The following CYP39A1 variants were observed in gnomAD, a reference collection of about 807,000 sequenced individuals.
CYP39A1 encodes cytochrome P450 family 39 subfamily A member 1.
A neutral mutation model predicts 58.1 loss-of-function variants in CYP39A1; 49 were observed. The ratio of observed to expected loss-of-function variants is 0.84; its 90% CI spans 0.67 to 1.07. The LOEUF (loss-of-function observed/expected upper bound fraction) is 1.07, where lower values mean the gene tolerates loss of function less well. CYP39A1 is among the 50% of genes least tolerant of loss of function. The pLI, the probability that CYP39A1 is intolerant of heterozygous loss-of-function variation, is 0.00. For synonymous variants in CYP39A1, 209 were observed against 187.6 expected (o/e 1.11, Z -0.93); for missense variants, 531 against 539.4 (o/e 0.98, Z 0.16).
At chr6:46,649,836 T>C (rs1762560377) in intron 1 of CYP39A1, among the ~76,000 whole-genome samples, 1 of 152,182 alleles carries the variant, frequency 6.6e-6, no homozygotes. Context: ...TATTCAAAGA[T>C]TAAATAAAAA....
intron 10 of CYP39A1, among the ~76,000 whole-genome samples, chr6:46,577,400 G>A (rs1278688224): frequency 1.3e-5 from 2 of 151,936 alleles, no homozygotes; most frequent in South Asian, 2.1e-4. Context: ...TGAACAACAC[G>A]GTGACAAGAT....
At chr6:46,583,518 A>C (rs763662728) in intron 10 of CYP39A1, 66 of 985,242 alleles carry the variant, frequency 6.7e-5, no homozygotes, top group Non-Finnish European at 7.4e-5. Flanking sequence ...GAGACTCTTC[A>C]CTTTGCAAGC....
At position 46,550,179 on chromosome 6, in the gene CYP39A1, G is replaced by A. The variant is rs896045566; in HGVS notation, c.*187C>T. 4.5e-6 allele frequency: 2 copies of A among 443,236 alleles called. No homozygotes were observed. The highest frequency in any genetic ancestry group is 4.0e-5 in the African/African-American group (2 of 49,674). The allele number at this position is 443,236 out of a possible 1,614,324, so 27.5% of individuals were successfully genotyped here. A position where few individuals can be genotyped will look rare whatever the true frequency, so the allele number is the denominator to read the frequency against. Reference sequence around the variant, plus strand: ...TGTATTCCGGTCTCTATATTACTGAGAGTGATGTTAGATTCTTGGTCTACT... The same window carrying A: ...TGTATTCCGGTCTCTATATTACTGAAAGTGATGTTAGATTCTTGGTCTACT... On this transcript the variant is annotated 3_prime_UTR_variant, in exon 12 of 12. Coordinates refer to ENST00000275016, the MANE Select transcript of CYP39A1 (RefSeq NM_016593.5).
chr6:46,605,977 G>C lies in CYP39A1; in HGVS notation c.932-9857C>G, dbSNP rs115085441. ...TATCTTTCTACTTGACCAAGGATAG[G>C]TGGCAACTACGGTCAGTTTGTGTTT... On this transcript the variant is annotated intron_variant, in intron 7 of 11. Coordinates refer to ENST00000275016, the MANE Select transcript of CYP39A1 (RefSeq NM_016593.5). 1.9e-3 allele frequency among the ~76,000 whole-genome samples: 283 copies of C among 152,218 alleles called. 1 individual carries two copies. The highest frequency in any genetic ancestry group is 6.5e-3 in the African/African-American group (268 of 41,528).
At chr6:46,616,502 G>T (rs546932015) in intron 7 of CYP39A1, among the ~76,000 whole-genome samples, 1 of 151,410 alleles carries the variant, frequency 6.6e-6, no homozygotes, top group African/African-American at 2.4e-5. Context: ...CAAAGCTCTG[G>T]AATTATAGGC....
At chr6:46,626,150 A>G (rs2150573583) in intron 6 of CYP39A1, among the ~76,000 whole-genome samples, 1 of 152,108 alleles carries the variant, frequency 6.6e-6, no homozygotes, top group African/African-American at 2.4e-5. Context: ...ATATTTGCAC[A>G]TTTTCTCTCT....
At chr6:46,558,617 A>G (rs1250773909) in intron 10 of CYP39A1, among the ~76,000 whole-genome samples, 1 of 152,198 alleles carries the variant, frequency 6.6e-6, no homozygotes, top group African/African-American at 2.4e-5. Flanking sequence ...CACTAATTTT[A>G]CCATGAGAGA....
chr6:46,598,330 A>G (rs150781619), intron 7 of CYP39A1, among the ~76,000 whole-genome samples: 237 of 152,288 alleles, frequency 1.6e-3, no homozygotes, highest in African/African-American at 5.4e-3. Flanking sequence ...ATTAGGATAC[A>G]GATTATTTCC....
At position 46,574,515 on chromosome 6, in the gene CYP39A1, G is replaced by A. The variant is rs77116637; in HGVS notation, c.1250+12562C>T. Among the ~76,000 whole-genome samples, 299 of 152,304 alleles carry A rather than the reference G, an allele frequency of 2.0e-3. 2 individuals carry two copies. Among genetic ancestry groups the A allele is most frequent in the African/African-American group, 6.9e-3 (285 of 41,556 alleles). ...GAGATAATAACCTATGGACAATATT[G>A]TAAAATAGCAGTTTTAATTCTAGTC... On this transcript the variant is annotated intron_variant, in intron 10 of 11. Coordinates refer to ENST00000275016, the MANE Select transcript of CYP39A1 (RefSeq NM_016593.5).
At chr6:46,616,226 C>T (rs1404957544) in intron 7 of CYP39A1, among the ~76,000 whole-genome samples, 16 of 31,460 alleles carry the variant, frequency 5.1e-4, no homozygotes, top group African/African-American at 1.9e-3. Context: ...CTCCCTCCCT[C>T]CCTCCCTCCC....
At chr6:46,613,523 G>A (rs896632283) in intron 7 of CYP39A1, among the ~76,000 whole-genome samples, 4 of 151,990 alleles carry the variant, frequency 2.6e-5, no homozygotes, top group Non-Finnish European at 4.4e-5. Flanking sequence ...AATTAATCTG[G>A]TTCCTTGCAA....
chr6:46,619,448 AT>A, intron 7 of CYP39A1, among the ~76,000 whole-genome samples: 1 of 152,206 alleles, frequency 6.6e-6, no homozygotes, highest in East Asian at 1.9e-4. Context: ...CAAATAAAAA[AT>A]ATTTTTAAAA....
intron 10 of CYP39A1, among the ~76,000 whole-genome samples, chr6:46,575,285 C>T (rs773106163): frequency 2.0e-5 from 3 of 152,194 alleles, no homozygotes; most frequent in Non-Finnish European, 4.4e-5. Context: ...ACACTCATCC[C>T]ACAAGGCTCA....
At chr6:46,563,174 A>C (rs1771074347) in intron 10 of CYP39A1, among the ~76,000 whole-genome samples, 1 of 152,140 alleles carries the variant, frequency 6.6e-6, no homozygotes, top group Non-Finnish European at 1.5e-5. Flanking sequence ...ATTTTGTTCA[A>C]TGTGTAAAAT....
chr6:46,649,368 T>C (rs1762531913), intron 1 of CYP39A1, among the ~76,000 whole-genome samples: 1 of 152,234 alleles, frequency 6.6e-6, no homozygotes, highest in African/African-American at 2.4e-5. Flanking sequence ...TGTGCCATAT[T>C]GTGTTCATTA....
intron 10 of CYP39A1, among the ~76,000 whole-genome samples, chr6:46,562,301 G>A (rs1188327967): frequency 1.3e-5 from 2 of 151,866 alleles, no homozygotes; most frequent in African/African-American, 2.4e-5. Context: ...GGGATTATAG[G>A]CATGAGCCAC....
Position 46,637,942 on chromosome 6 carries a change from A to T in CYP39A1, c.525T>A (p.Phe175Leu), listed in dbSNP as rs145365996. 148 of 1,613,062 alleles carry T rather than the reference A, an allele frequency of 9.2e-5. No individual in the cohort carries two copies. Among genetic ancestry groups the T allele is most frequent in the Non-Finnish European group, 1.2e-4 (142 of 1,179,810 alleles). ...LLYPVTVNML[F>L]NKSLFSTNKK... ...TGTTTGTGGAAAACAAACTTTTATTAAAGAGCATATTCACTGTGACTGGAT... is the reference window on the plus strand; with the variant it reads ...TGTTTGTGGAAAACAAACTTTTATTTAAGAGCATATTCACTGTGACTGGAT... Residue 175 changes from phenylalanine to leucine, a missense_variant, in exon 4 of 12, where the codon TTT (phenylalanine) becomes TTA (leucine). By Grantham distance (22) the Phe-to-Leu change is conservative. Transcript: ENST00000275016.
At chr6:46,601,360 G>A (rs2150532193) in intron 7 of CYP39A1, among the ~76,000 whole-genome samples, 1 of 152,154 alleles carries the variant, frequency 6.6e-6, no homozygotes, top group Admixed American at 6.5e-5. Flanking sequence ...CAACCCCTTT[G>A]TAAATAAGAC....
chr6:46,619,059 C>T (rs1355753610), intron 7 of CYP39A1, among the ~76,000 whole-genome samples: 2 of 152,104 alleles, frequency 1.3e-5, no homozygotes, highest in African/African-American at 4.8e-5. Flanking sequence ...GTTGACTTGT[C>T]CCTTCTCTGC....
Sources: allele counts gnomAD v4.1 joint callset (sites outside exome capture counted in the v4.1 genomes callset), GRCh38; gene constraint gnomAD v4.1.1; transcripts MANE v1.5; gene names NCBI Gene and HGNC (gene_info 2026-07-23, HGNC 2026-07-21).